Variants in GRIA4 observed in about 807,000 individuals in gnomAD.
The protein encoded by GRIA4 is glutamate ionotropic receptor AMPA type subunit 4, also known as glutamate receptor 4.
In GRIA4, 34 loss-of-function variants were observed where a neutral mutation model predicts 104.0. The observed-to-expected ratio is 0.33, with a 90% CI of 0.25 to 0.44. The LOEUF (loss-of-function observed/expected upper bound fraction) is 0.44, where lower values mean the gene tolerates loss of function less well. GRIA4 is among the 20% of genes least tolerant of loss of function. The pLI is 1.00. For synonymous variants in GRIA4, 386 were observed against 381.9 expected, an observed-to-expected ratio of 1.01 and a Z score of -0.13; for missense variants, 750 against 1,096.5, an observed-to-expected ratio of 0.68 and a Z score of 4.46.
intron 4 of GRIA4, among the ~76,000 whole-genome samples, chr11:105,794,473 G>GTGTATA (rs1555010324): frequency 3.0e-4 from 13 of 43,884 alleles, no homozygotes; most frequent in African/African-American, 1.1e-3. Context: ...GTATATGTAT[G>GTGTATA]TATATATATA....
Position 105,862,203 on chromosome 11 carries a change from G to A in GRIA4, c.667G>A (p.Glu223Lys). The A allele has an allele frequency of 6.5e-7, 1 of 1,546,776 alleles. No individual in the cohort carries two copies. The change falls in exon 5 of 17, where the codon GAA (glutamate) becomes AAA (lysine). Residue 223 changes from glutamate (E) to lysine (K), a missense_variant. Physicochemically the swap from Glu to Lys is moderately conservative, Grantham distance 56 (BLOSUM62 1). Coordinates refer to ENST00000282499, the MANE Select transcript of GRIA4 (RefSeq NM_000829.4). ...GATAGAGAGACTTCAAAACATATTA[G>A]AACAGGTAAGTCCTAGATTTTATAT... is the stretch of plus-strand genomic sequence containing the variant. ...CEIERLQNIL[E>K]QIVSVGKHVK...
chr11:105,706,616 T>G (rs1953711175), intron 3 of GRIA4: 1 of 153,274 alleles, frequency 6.5e-6, no homozygotes, highest in Non-Finnish European at 1.5e-5. Context: ...AGGCCAGGGA[T>G]GCACCATCAC....
chr11:105,981,560 C>G lies in GRIA4; in HGVS notation c.*1821C>G, dbSNP rs963079730. ...AATCTTAAACAGTATAAATCACACA[C>G]ACACACACACACACACACACACACA... is the stretch of plus-strand genomic sequence containing the variant. On this transcript the variant is annotated 3_prime_UTR_variant, in exon 17 of 17. Coordinates refer to ENST00000282499, the MANE Select transcript of GRIA4 (RefSeq NM_000829.4). 6 of 150,088 alleles carry G rather than the reference C, an allele frequency of 4.0e-5. No individual in the cohort carries two copies. The allele number at this position is 150,088 out of a possible 1,614,324, so 9.3% of individuals were successfully genotyped here.
intron 3 of GRIA4, among the ~76,000 whole-genome samples, chr11:105,691,699 G>A (rs1185169964): frequency 3.9e-5 from 6 of 152,068 alleles, no homozygotes; most frequent in Non-Finnish European, 7.4e-5. Context: ...CACTTTGAGA[G>A]GCCGAGGTGG....
At chr11:105,735,970 C>G (rs939331669) in intron 3 of GRIA4, among the ~76,000 whole-genome samples, 2 of 152,066 alleles carry the variant, frequency 1.3e-5, no homozygotes, top group Admixed American at 6.6e-5. Flanking sequence ...GCAATTGTCC[C>G]AGAAAACTGT....
At chr11:105,832,327 T>C (rs1027137280) in intron 4 of GRIA4, among the ~76,000 whole-genome samples, 5 of 151,642 alleles carry the variant, frequency 3.3e-5, no homozygotes, top group African/African-American at 4.8e-5. Flanking sequence ...TTACACAAGC[T>C]CTCTGAGGGT....
intron 3 of GRIA4, among the ~76,000 whole-genome samples, chr11:105,688,421 C>T (rs111825961): frequency 4.6e-5 from 7 of 151,920 alleles, no homozygotes; most frequent in South Asian, 2.1e-4. Context: ...ATTAGCCGGG[C>T]GTGGTGGCGT....
chr11:105,776,980 C>T (rs988065286), intron 4 of GRIA4, among the ~76,000 whole-genome samples: 76 of 152,184 alleles, frequency 5.0e-4, no homozygotes, highest in African/African-American at 1.8e-3. Flanking sequence ...CCTGCATGCA[C>T]GTGGTACCCA....
At chr11:105,778,735 G>A (rs1237475960) in intron 4 of GRIA4, among the ~76,000 whole-genome samples, 1 of 152,014 alleles carries the variant, frequency 6.6e-6, no homozygotes, top group African/African-American at 2.4e-5. Flanking sequence ...CTAAGCATAG[G>A]AAGGCATTAT....
intron 14 of GRIA4, among the ~76,000 whole-genome samples, chr11:105,946,965 A>T (rs1310264789): frequency 6.6e-6 from 1 of 152,196 alleles, no homozygotes; most frequent in African/African-American, 2.4e-5. Flanking sequence ...TTAAAGTTGG[A>T]TTGTTAGAGC....
intron 8 of GRIA4, 142 bp from the exon 9 acceptor site, chr11:105,905,055 C>T: frequency 1.7e-6 from 1 of 590,604 alleles, no homozygotes; most frequent in Non-Finnish European, 3.0e-6. Context: ...ATCCCAATAG[C>T]TCAAATACCT....
At chr11:105,879,778 T>C (rs1214267874) in intron 5 of GRIA4, among the ~76,000 whole-genome samples, 5 of 152,214 alleles carry the variant, frequency 3.3e-5, no homozygotes, top group Non-Finnish European at 7.4e-5. Flanking sequence ...ACAGGTTTGG[T>C]ATTCATCAAT....
At chr11:105,659,014 A>G (rs1951927553) in intron 3 of GRIA4, among the ~76,000 whole-genome samples, 1 of 152,000 alleles carries the variant, frequency 6.6e-6, no homozygotes, top group Non-Finnish European at 1.5e-5. Context: ...ATAATGGGAT[A>G]AATTTGTCAG....
intron 4 of GRIA4, chr11:105,824,734 C>T (rs1307151247): frequency 2.6e-5 from 4 of 152,086 alleles, no homozygotes; most frequent in Non-Finnish European, 4.4e-5. Flanking sequence ...TCAGTTATTC[C>T]TCCAGGAAGA....
intron 5 of GRIA4, among the ~76,000 whole-genome samples, chr11:105,879,373 T>G (rs1945962375): frequency 6.6e-6 from 1 of 152,246 alleles, no homozygotes; most frequent in Admixed American, 6.5e-5. Flanking sequence ...TCATTTTTAA[T>G]TGATTACTTT....
chr11:105,832,932 T>TTAC (rs765050817), intron 4 of GRIA4, among the ~76,000 whole-genome samples: 11 of 152,060 alleles, frequency 7.2e-5, no homozygotes, highest in Non-Finnish European at 1.0e-4. Context: ...ATCTTACAAG[T>TTAC]ATGAAATTTA....
chr11:105,738,936 A>AAC, intron 3 of GRIA4, among the ~76,000 whole-genome samples: 1 of 112,986 alleles, frequency 8.9e-6, no homozygotes, highest in Admixed American at 1.1e-4. Context: ...AAAACAAAAA[A>AAC]AAAAAAAACA....
At position 105,924,648 on chromosome 11, in the gene GRIA4, G is replaced by C. The variant is rs1486696525; in HGVS notation, c.1726G>C (p.Glu576Gln). 1 of 1,613,010 alleles carries C rather than the reference G, an allele frequency of 6.2e-7. No homozygotes were observed. Among genetic ancestry groups the C allele is most frequent in the Non-Finnish European group, 8.5e-7 (1 of 1,179,448 alleles). ...ATTTAGTCCATATGAGTGGCACACAGAAGAGCCAGAGGACGGAAAGGAAGG... is the reference window on the plus strand; with the variant it reads ...ATTTAGTCCATATGAGTGGCACACACAAGAGCCAGAGGACGGAAAGGAAGG... ...SRFSPYEWHT[E>Q]EPEDGKEGPS... The change falls in exon 12 of 17, where the codon GAA becomes CAA. Residue 576 changes from glutamate (E) to glutamine (Q), a missense_variant. Glu to Gln is a conservative substitution (Grantham distance 29). Coordinates refer to ENST00000282499, the MANE Select transcript of GRIA4 (RefSeq NM_000829.4).
chr11:105,858,777 T>C (rs1490988292), intron 4 of GRIA4, among the ~76,000 whole-genome samples: 1 of 152,186 alleles, frequency 6.6e-6, no homozygotes, highest in Non-Finnish European at 1.5e-5. Context: ...TTTCTGTGCC[T>C]GGCTTATTTC....
Sources: allele counts gnomAD v4.1 joint callset (sites outside exome capture counted in the v4.1 genomes callset), GRCh38; gene constraint gnomAD v4.1.1; transcripts MANE v1.5; gene names NCBI Gene and HGNC (gene_info 2026-07-23, HGNC 2026-07-21).